Variants in LRRC49 observed in about 807,000 individuals in gnomAD.
LRRC49 encodes the protein leucine rich repeat containing 49.
LRRC49 carries 50 observed loss-of-function variants against 83.3 expected under a neutral mutation model. The ratio of observed to expected loss-of-function variants is 0.60; its 90% CI spans 0.48 to 0.76. The LOEUF (loss-of-function observed/expected upper bound fraction) is 0.76, where lower values mean the gene tolerates loss of function less well. LRRC49 is among the 30% of genes least tolerant of loss of function. The pLI, the probability that LRRC49 is intolerant of heterozygous loss-of-function variation, is 0.00. For synonymous variants in LRRC49, 286 were observed against 283.3 expected (o/e 1.01, Z -0.10); for missense variants, 704 against 809.1 (o/e 0.87, Z 1.58).
intron 14 of LRRC49, among the ~76,000 whole-genome samples, chr15:71,020,842 G>A (rs2038971455): frequency 6.6e-6 from 1 of 152,170 alleles, no homozygotes; most frequent in Non-Finnish European, 1.5e-5. Flanking sequence ...ATTAAGGCAG[G>A]ACAGTGACCC....
At chr15:70,950,398 A>G (rs1165461774) in intron 8 of LRRC49, among the ~76,000 whole-genome samples, 2 of 152,196 alleles carry the variant, frequency 1.3e-5, no homozygotes, top group Non-Finnish European at 2.9e-5. Flanking sequence ...TGGATGAACT[A>G]ATTTACACTC....
intron 11 of LRRC49, among the ~76,000 whole-genome samples, chr15:70,998,789 T>A (rs1596121012): frequency 6.6e-6 from 1 of 151,956 alleles, no homozygotes; most frequent in East Asian, 1.9e-4. Context: ...TTTTCTCTCA[T>A]GTCTGTGCTT....
intron 15 of LRRC49, among the ~76,000 whole-genome samples, chr15:71,039,986 T>C (rs1033273846): frequency 6.6e-6 from 1 of 152,158 alleles, no homozygotes; most frequent in Non-Finnish European, 1.5e-5. Flanking sequence ...AGCCAAACCA[T>C]ACATTTAAAA....
chr15:71,008,036 G>C (rs1355586624), intron 11 of LRRC49, among the ~76,000 whole-genome samples: 1 of 151,680 alleles, frequency 6.6e-6, no homozygotes, highest in Non-Finnish European at 1.5e-5. Flanking sequence ...AAAGTTTATA[G>C]ATTGGGAAAA....
At chr15:70,988,094 GA>G (rs1227639539) in intron 11 of LRRC49, among the ~76,000 whole-genome samples, 1 of 151,266 alleles carries the variant, frequency 6.6e-6, no homozygotes, top group African/African-American at 2.4e-5. Flanking sequence ...GTGTGGTGCT[GA>G]AAAAAATGTA....
chr15:70,874,521 A>C (rs1485816473), intron 2 of LRRC49, among the ~76,000 whole-genome samples: 1 of 152,206 alleles, frequency 6.6e-6, no homozygotes, highest in Non-Finnish European at 1.5e-5. Context: ...GAAGGTTGAC[A>C]GTCTTTTGAA....
chr15:70,951,621 C>T (rs1308526610), intron 8 of LRRC49, among the ~76,000 whole-genome samples: 1 of 152,032 alleles, frequency 6.6e-6, no homozygotes, highest in Admixed American at 6.5e-5. Context: ...TATCCTGAAA[C>T]TTTACTAAGG....
At chr15:70,892,179 G>T (rs767647965), upstream of LRRC49, 14 of 1,610,364 alleles carry the variant, frequency 8.7e-6, no homozygotes, top group Non-Finnish European at 1.2e-5. Context: ...CGGTCCCAGA[G>T]CAGCCGCACG....
At chr15:70,939,722 T>TAC (rs1331141107) in intron 8 of LRRC49, among the ~76,000 whole-genome samples, 1 of 152,146 alleles carries the variant, frequency 6.6e-6, no homozygotes, top group Non-Finnish European at 1.5e-5. Context: ...ATTTCTAACC[T>TAC]ACGTCACTGT....
At chr15:70,893,004 G>T in intron 1 of LRRC49, 62 bp downstream of exon 1, 4 of 1,574,598 alleles carry the variant, frequency 2.5e-6, no homozygotes, top group Non-Finnish European at 3.5e-6. Flanking sequence ...TGGCGTCTTT[G>T]TCCTAGGAGA....
At chr15:71,040,636 G>A (rs1417110997) in intron 15 of LRRC49, among the ~76,000 whole-genome samples, 2 of 151,892 alleles carry the variant, frequency 1.3e-5, no homozygotes, top group East Asian at 1.9e-4. Flanking sequence ...TGGCTAACAC[G>A]GTGAAACCCC....
intron 6 of LRRC49, among the ~76,000 whole-genome samples, chr15:70,912,922 C>G (rs1034163099): frequency 3.3e-5 from 5 of 152,160 alleles, no homozygotes; most frequent in African/African-American, 1.2e-4. Context: ...CGTGATCCAC[C>G]TGCCTCGGCC....
intron 8 of LRRC49, among the ~76,000 whole-genome samples, chr15:70,942,172 G>A (rs902634494): frequency 1.4e-4 from 22 of 151,998 alleles, no homozygotes; most frequent in Non-Finnish European, 1.5e-5. Flanking sequence ...GTCAGTCTGA[G>A]TTCACACATA....
At chr15:71,031,864 G>T (rs368926012) in intron 14 of LRRC49, among the ~76,000 whole-genome samples, 1 of 152,054 alleles carries the variant, frequency 6.6e-6, no homozygotes, top group Non-Finnish European at 1.5e-5. Context: ...CGATCATCCC[G>T]GGTCAACTTC....
intron 9 of LRRC49, among the ~76,000 whole-genome samples, chr15:70,975,565 C>T (rs1488253849): frequency 2.6e-5 from 4 of 152,000 alleles, no homozygotes; most frequent in African/African-American, 9.7e-5. Flanking sequence ...TGGAGGCACA[C>T]GCCTGTAGTA....
At chr15:70,958,601 T>A (rs1161005019) in intron 8 of LRRC49, among the ~76,000 whole-genome samples, 1 of 152,158 alleles carries the variant, frequency 6.6e-6, no homozygotes, top group Non-Finnish European at 1.5e-5. Context: ...ATGAAGAAAA[T>A]GAATTTTGGC....
intron 9 of LRRC49, among the ~76,000 whole-genome samples, chr15:70,965,989 T>C (rs891377267): frequency 7.9e-5 from 12 of 152,122 alleles, no homozygotes; most frequent in Admixed American, 2.6e-4. Flanking sequence ...TGGAACACAG[T>C]GATGCCCATT....
At chr15:70,971,592 T>C (rs2037001836) in intron 9 of LRRC49, among the ~76,000 whole-genome samples, 1 of 152,194 alleles carries the variant, frequency 6.6e-6, no homozygotes, top group Admixed American at 6.5e-5. Flanking sequence ...ATTATTATTG[T>C]GTGGGAGTCT....
intron 14 of LRRC49, among the ~76,000 whole-genome samples, chr15:71,023,091 A>G (rs1471999934): frequency 6.6e-6 from 1 of 152,220 alleles, no homozygotes; most frequent in Admixed American, 6.5e-5. Flanking sequence ...ATCTGAAACT[A>G]CCTTGAACTG....
Sources: gnomAD v4.1 joint callset for allele counts (sites outside exome capture counted in the v4.1 genomes callset) on GRCh38, gnomAD v4.1.1 for gene constraint, MANE v1.5 for transcripts, NCBI Gene and HGNC (gene_info 2026-07-23, HGNC 2026-07-21) for gene names.